The following SMIM31 variants were observed in gnomAD, a reference collection of about 807,000 sequenced individuals.
The protein encoded by SMIM31 is human epithelial cell program regulator.
intron 1 of SMIM31, among the ~76,000 whole-genome samples, chr4:164,754,762 T>C (rs1352880408): frequency 6.6e-6 from 1 of 151,508 alleles, no homozygotes; most frequent in African/African-American, 2.4e-5. Flanking sequence ...TTAAATTAAA[T>C]CATACGATTT....
intron 2 of SMIM31, among the ~76,000 whole-genome samples, chr4:164,781,292 G>C (rs184199096): frequency 4.6e-5 from 7 of 152,090 alleles, no homozygotes; most frequent in Admixed American, 1.3e-4. Context: ...CTTACCAAAG[G>C]ACCAAACAAT....
chr4:164,755,534 A>AAGGGAG (rs1732547860), intron 1 of SMIM31, among the ~76,000 whole-genome samples: 4 of 25,802 alleles, frequency 1.6e-4, no homozygotes, highest in African/African-American at 7.9e-4. Context: ...AGGGAGGGAG[A>AAGGGAG]GGAGAGGAGG....
intron 2 of SMIM31, among the ~76,000 whole-genome samples, chr4:164,775,078 G>A (rs1732862238): frequency 6.6e-6 from 1 of 152,110 alleles, no homozygotes; most frequent in African/African-American, 2.4e-5. Context: ...AACTTTATCT[G>A]AGCTCTGTGC....
intron 2 of SMIM31, among the ~76,000 whole-genome samples, chr4:164,775,411 C>A (rs969033466): frequency 9.2e-5 from 14 of 152,176 alleles, no homozygotes; most frequent in Admixed American, 3.3e-4. Flanking sequence ...CTGAAACTAG[C>A]CAGATAGATA....
chr4:164,767,846 T>C (rs192878147), intron 1 of SMIM31, among the ~76,000 whole-genome samples: 1 of 152,292 alleles, frequency 6.6e-6, no homozygotes, highest in East Asian at 1.9e-4. Context: ...CACTATGTCT[T>C]TTCCCCCAGC....
intron 2 of SMIM31, among the ~76,000 whole-genome samples, chr4:164,791,734 G>A (rs1733103619): frequency 6.6e-6 from 1 of 152,064 alleles, no homozygotes; most frequent in Non-Finnish European, 1.5e-5. Flanking sequence ...AGGTACAAGT[G>A]GTTTTTAGTT....
At chr4:164,799,090 A>T (rs553566144) in intron 2 of SMIM31, among the ~76,000 whole-genome samples, 4 of 152,068 alleles carry the variant, frequency 2.6e-5, no homozygotes, top group African/African-American at 4.8e-5. Flanking sequence ...TCTTTTCTTT[A>T]TAAATTACCC....
intron 2 of SMIM31, among the ~76,000 whole-genome samples, chr4:164,793,196 T>C (rs1165975037): frequency 1.3e-5 from 2 of 152,178 alleles, no homozygotes; most frequent in Admixed American, 6.5e-5. Flanking sequence ...CAACAATAGA[T>C]ACTGGAGACT....
At chr4:164,776,673 T>C (rs897694493) in intron 2 of SMIM31, among the ~76,000 whole-genome samples, 1 of 152,244 alleles carries the variant, frequency 6.6e-6, no homozygotes, top group African/African-American at 2.4e-5. Flanking sequence ...AGATTTGGTC[T>C]GTTTAACCAC....
chr4:164,799,638 C>T (rs957527421), intron 2 of SMIM31, among the ~76,000 whole-genome samples: 2 of 152,142 alleles, frequency 1.3e-5, no homozygotes, highest in African/African-American at 4.8e-5. Flanking sequence ...TTTACTGAGT[C>T]CACCAATTCA....
At chr4:164,801,022 C>T (rs569516092) in intron 2 of SMIM31, 69 bp from the exon 3 acceptor site, 3 of 396,572 alleles carry the variant, frequency 7.6e-6, no homozygotes, top group African/African-American at 6.2e-5. Context: ...TTCTTATAAC[C>T]GAAGTTAATT....
intron 2 of SMIM31, among the ~76,000 whole-genome samples, chr4:164,797,881 C>T (rs1733225682): frequency 6.6e-6 from 1 of 152,142 alleles, no homozygotes; most frequent in African/African-American, 2.4e-5. Flanking sequence ...CCTCACTACT[C>T]TCCCACCCTC....
rs1431801398 is a variant in SMIM31, at chr4:164,789,125, A to T, written c.113-11966A>T. Among the ~76,000 whole-genome samples, 5 of 152,366 alleles carry T rather than the reference A, an allele frequency of 3.3e-5. No homozygotes were observed. In the East Asian group the frequency reaches 9.6e-4, roughly 29 times the overall value. On this transcript the variant is annotated intron_variant, in intron 2 of 2. Coordinates refer to ENST00000507311, the MANE Select transcript of SMIM31 (RefSeq NM_001352885.1). Reference sequence around the variant, plus strand: ...TTGTTGGATATTTTTCCTTACACACATAACAAGGTTTAAAGAATAATTATT... The same window carrying T: ...TTGTTGGATATTTTTCCTTACACACTTAACAAGGTTTAAAGAATAATTATT...
At chr4:164,785,238 TA>T in intron 2 of SMIM31, among the ~76,000 whole-genome samples, 1 of 90,092 alleles carries the variant, frequency 1.1e-5, no homozygotes. Flanking sequence ...AATAAATAAA[TA>T]AAAAATAAAA....
chr4:164,776,889 T>C (rs1429612095), intron 2 of SMIM31, among the ~76,000 whole-genome samples: 3 of 152,216 alleles, frequency 2.0e-5, no homozygotes, highest in Non-Finnish European at 2.9e-5. Context: ...TGTTGCTTTA[T>C]CTATATTAAT....
chr4:164,767,469 C>A (rs1732734949), intron 1 of SMIM31, among the ~76,000 whole-genome samples: 1 of 152,036 alleles, frequency 6.6e-6, no homozygotes, highest in African/African-American at 2.4e-5. Flanking sequence ...TGGTCCTAAC[C>A]CTTAGAGAAG....
chr4:164,800,357 G>A (rs186202317), intron 2 of SMIM31, among the ~76,000 whole-genome samples: 6 of 151,890 alleles, frequency 4.0e-5, no homozygotes, highest in East Asian at 1.9e-4. Flanking sequence ...TTACAGACGC[G>A]CCACCATGCC....
intron 2 of SMIM31, among the ~76,000 whole-genome samples, chr4:164,779,677 C>T (rs895662142): frequency 1.3e-5 from 2 of 152,166 alleles, no homozygotes; most frequent in African/African-American, 4.8e-5. Context: ...AAGCCACAAA[C>T]TTGCATGGAA....
chr4:164,777,132 T>A (rs1184140978), intron 2 of SMIM31, among the ~76,000 whole-genome samples: 1 of 152,240 alleles, frequency 6.6e-6, no homozygotes, highest in Non-Finnish European at 1.5e-5. Flanking sequence ...GACAGGCTTT[T>A]CATGATGGTC....
Sources: allele counts gnomAD v4.1 joint callset (sites outside exome capture counted in the v4.1 genomes callset), GRCh38; gene constraint gnomAD v4.1.1; transcripts MANE v1.5; gene names NCBI Gene and HGNC (gene_info 2026-07-23, HGNC 2026-07-21).